The following CBFA2T2 variants were observed in gnomAD, a reference collection of about 807,000 sequenced individuals.
The protein encoded by CBFA2T2 is CBFA2/RUNX1 partner transcriptional co-repressor 2.
A neutral mutation model predicts 62.2 loss-of-function variants in CBFA2T2; 11 were observed. The ratio of observed to expected loss-of-function variants is 0.18; its 90% CI spans 0.11 to 0.29. The LOEUF (loss-of-function observed/expected upper bound fraction) is 0.29, where lower values mean the gene tolerates loss of function less well. Ranked by LOEUF, CBFA2T2 falls within the 10% of genes least tolerant of loss-of-function variation. CBFA2T2 has a pLI of 1.00. For synonymous variants in CBFA2T2, 295 were observed against 287.5 expected (o/e 1.03, Z -0.27); for missense variants, 592 against 774.1 (o/e 0.76, Z 2.79).
At chr20:33,536,386 G>A (rs1312645823) in intron 1 of CBFA2T2, among the ~76,000 whole-genome samples, 42 of 149,418 alleles carry the variant, frequency 2.8e-4, no homozygotes, top group African/African-American at 1.0e-3. Flanking sequence ...GGGCAGAGGC[G>A]CCCCTCACCT....
At chr20:33,607,989 C>A (rs2015398080) in intron 2 of CBFA2T2, among the ~76,000 whole-genome samples, 1 of 152,164 alleles carries the variant, frequency 6.6e-6, no homozygotes, top group African/African-American at 2.4e-5. Flanking sequence ...CAAAATGATA[C>A]CAAGTTTTGG....
chr20:33,587,414 C>G (rs2014420141), intron 1 of CBFA2T2, among the ~76,000 whole-genome samples: 1 of 152,012 alleles, frequency 6.6e-6, no homozygotes, highest in South Asian at 2.1e-4. Flanking sequence ...CTACAGGCGC[C>G]TGCCACAACG....
chr20:33,538,085 GAGA>G (rs2012316078), intron 1 of CBFA2T2, among the ~76,000 whole-genome samples: 1 of 151,156 alleles, frequency 6.6e-6, no homozygotes. Flanking sequence ...AACAGTTTAG[GAGA>G]GATACAAATT....
chr20:33,592,438 T>G (rs1260466998), intron 1 of CBFA2T2, among the ~76,000 whole-genome samples: 1 of 146,602 alleles, frequency 6.8e-6, no homozygotes, highest in East Asian at 1.9e-4. Context: ...TTATATATAA[T>G]TATGTAAATA....
chr20:33,499,278 C>G (rs1568786196), intron 1 of CBFA2T2, among the ~76,000 whole-genome samples: 1 of 152,122 alleles, frequency 6.6e-6, no homozygotes, highest in Non-Finnish European at 1.5e-5. Flanking sequence ...CAATTTTGTT[C>G]TCATTCCTTA....
chr20:33,543,792 C>T (rs1292469754), intron 1 of CBFA2T2, among the ~76,000 whole-genome samples: 2 of 152,062 alleles, frequency 1.3e-5, no homozygotes, highest in East Asian at 3.9e-4. Context: ...TTATGATAAC[C>T]ATATTTCAAA....
At position 33,645,143 on chromosome 20, in the gene CBFA2T2, G is replaced by T. The variant is rs2075734; in HGVS notation, c.*497G>T. Reference sequence around the variant, plus strand: ...CACTGATTGGCCTCACGGGGACTTGGGTAAGCAACAGGCGGCATTCAGGAC... The same window carrying T: ...CACTGATTGGCCTCACGGGGACTTGTGTAAGCAACAGGCGGCATTCAGGAC... On this transcript the variant is annotated 3_prime_UTR_variant, in exon 11 of 11. Coordinates refer to ENST00000342704, the MANE Select transcript of CBFA2T2 (RefSeq NM_001032999.3). 22,226 of 156,352 alleles carry T rather than the reference G, an allele frequency of 0.14. 2,060 individuals are homozygous for T. Among genetic ancestry groups the T allele is most frequent in the East Asian group, 0.39 (2,063 of 5,254 alleles). 9.7% of individuals were successfully genotyped at this position (156,352 alleles called of 1,614,324 possible).
intron 1 of CBFA2T2, among the ~76,000 whole-genome samples, chr20:33,541,632 T>G (rs1477311229): frequency 1.3e-5 from 2 of 151,542 alleles, no homozygotes; most frequent in East Asian, 1.9e-4. Context: ...GTTCCTGGTT[T>G]GTTTGTTTGT....
intron 1 of CBFA2T2, among the ~76,000 whole-genome samples, chr20:33,544,321 A>G (rs2012478095): frequency 6.6e-6 from 1 of 152,094 alleles, no homozygotes; most frequent in Non-Finnish European, 1.5e-5. Flanking sequence ...ACCTTTACCT[A>G]GACAATTCTT....
At chr20:33,602,954 C>T (rs943140741) in intron 1 of CBFA2T2, among the ~76,000 whole-genome samples, 4 of 152,080 alleles carry the variant, frequency 2.6e-5, no homozygotes, top group African/African-American at 9.7e-5. Flanking sequence ...GACTTATGGT[C>T]GGGTAGTGTA....
chr20:33,589,548 C>T (rs1008657082), intron 1 of CBFA2T2, among the ~76,000 whole-genome samples: 13 of 152,160 alleles, frequency 8.5e-5, no homozygotes, highest in African/African-American at 1.9e-4. Context: ...AAGATGAATT[C>T]GTTTCTTTGT....
At chr20:33,568,655 T>C (rs2013435413) in intron 1 of CBFA2T2, among the ~76,000 whole-genome samples, 1 of 152,190 alleles carries the variant, frequency 6.6e-6, no homozygotes, top group African/African-American at 2.4e-5. Context: ...CTCTGCTCTT[T>C]CTAGCTCATT....
chr20:33,608,777 C>G (rs1197826376), intron 2 of CBFA2T2, among the ~76,000 whole-genome samples: 1 of 151,952 alleles, frequency 6.6e-6, no homozygotes, highest in African/African-American at 2.4e-5. Context: ...ACATTTTTTT[C>G]TAAAGAGACT....
At chr20:33,619,923 G>T (rs2015874686) in intron 4 of CBFA2T2, among the ~76,000 whole-genome samples, 1 of 152,222 alleles carries the variant, frequency 6.6e-6, no homozygotes, top group Middle Eastern at 3.4e-3. Context: ...AGAAATAACT[G>T]GTCACTAATC....
At chr20:33,639,571 C>T (rs1229707501) in intron 9 of CBFA2T2, 2 of 146,524 alleles carry the variant, frequency 1.4e-5, no homozygotes, top group South Asian at 2.1e-4. Context: ...GGGACTCCGT[C>T]GCAAAAAAAA....
intron 7 of CBFA2T2, 28 bp from the exon 8 acceptor site, chr20:33,629,691 T>A: frequency 6.3e-7 from 1 of 1,596,406 alleles, no homozygotes; most frequent in South Asian, 1.1e-5. Flanking sequence ...TCTTATCTCA[T>A]CTCTGCCTGG....
Position 33,624,943 on chromosome 20 carries a change from C to G in CBFA2T2, c.872C>G (p.Ala291Gly). 2.5e-6 allele frequency: 4 copies of G among 1,614,118 alleles called. No homozygotes were observed. The highest frequency in any genetic ancestry group is 3.4e-6 in the Non-Finnish European group (4 of 1,179,990). The change falls in exon 6 of 11, where the codon GCA (alanine) becomes GGA (glycine). Residue 291 changes from alanine (A) to glycine (G), a missense_variant. Physicochemically the swap from Ala to Gly is moderately conservative, Grantham distance 60. Coordinates refer to ENST00000342704, the MANE Select transcript of CBFA2T2 (RefSeq NM_001032999.3). ...CAGCATTACACCTTAGAGGATATTG[C>G]AACTTCTCACCTGTATCGGGAACCC... is the stretch of plus-strand genomic sequence containing the variant. ...PLQHYTLEDIATSHLYREPNK... is the reference protein window; with the variant it reads ...PLQHYTLEDIGTSHLYREPNK...
At position 33,545,015 on chromosome 20, in the gene CBFA2T2, C is replaced by CAGAAA. The variant is rs1208408551; in HGVS notation, c.34+54718_34+54719insAAGAA. 5.6e-4 allele frequency among the ~76,000 whole-genome samples: 64 copies of CAGAAA among 115,188 alleles called. 1 individual carries two copies. The highest frequency in any genetic ancestry group is 1.7e-3 in the African/African-American group (48 of 28,828). The allele number at this position is 115,188 out of a possible 152,430, so 75.6% of individuals were successfully genotyped here. ...TAGAATAGAATAGAATAGAATAGAA[C>CAGAAA]AGAACAGAATGCAAGGTAGACAGGC... is the stretch of plus-strand genomic sequence containing the variant. On this transcript the variant is annotated intron_variant, in intron 1 of 10. Transcript: ENST00000342704.
chr20:33,520,047 A>T (rs1422085673), intron 1 of CBFA2T2, among the ~76,000 whole-genome samples: 1 of 152,138 alleles, frequency 6.6e-6, no homozygotes, highest in Non-Finnish European at 1.5e-5. Flanking sequence ...CGGGAGGCTG[A>T]GGCAGGAGAA....
Sources: allele counts gnomAD v4.1 joint callset (sites outside exome capture counted in the v4.1 genomes callset), GRCh38; gene constraint gnomAD v4.1.1; transcripts MANE v1.5; gene names NCBI Gene and HGNC (gene_info 2026-07-23, HGNC 2026-07-21).